The following DGKB variants were observed in gnomAD, a reference collection of about 807,000 sequenced individuals.
DGKB encodes diacylglycerol kinase beta.
DGKB carries 67 observed loss-of-function variants against 114.3 expected under a neutral mutation model. The observed-to-expected ratio is 0.59, with a 90% CI of 0.48 to 0.72. The LOEUF (loss-of-function observed/expected upper bound fraction) is 0.72, where lower values mean the gene tolerates loss of function less well. DGKB is among the 30% of genes least tolerant of loss of function. The pLI, the probability that DGKB is intolerant of heterozygous loss-of-function variation, is 0.00. For missense variants in DGKB, 907 were observed against 975.2 expected, an observed-to-expected ratio of 0.93 and a Z score of 0.93; for synonymous variants, 398 against 323.1, an observed-to-expected ratio of 1.23 and a Z score of -2.49.
Position 14,661,034 on chromosome 7 carries a change from A to G in DGKB, c.1134+11895T>C, listed in dbSNP as rs1402106643. ...AGCTGAAACTGGATCCCTTCCTTAC[A>G]CCTTATACAAAAATCAATTCAAGAT... On this transcript the variant is annotated intron_variant, in intron 13 of 25. Coordinates refer to ENST00000402815, the MANE Select transcript of DGKB (RefSeq NM_001350709.2). Among the ~76,000 whole-genome samples, 14 of 150,144 alleles carry G rather than the reference A, an allele frequency of 9.3e-5. No homozygotes were observed. The South Asian group carries it at 2.7e-3, about 29-fold the overall frequency.
At chr7:14,858,452 T>G (rs1222805649) in intron 1 of DGKB, among the ~76,000 whole-genome samples, 1 of 152,052 alleles carries the variant, frequency 6.6e-6, no homozygotes, top group Non-Finnish European at 1.5e-5. Context: ...CAGAAAAATA[T>G]GAATATATGA....
At chr7:14,267,651 G>A (rs1396659746) in intron 23 of DGKB, among the ~76,000 whole-genome samples, 1 of 151,782 alleles carries the variant, frequency 6.6e-6, no homozygotes, top group East Asian at 1.9e-4. Context: ...ACCATGCCCA[G>A]CTAATTTTTT....
rs535306376 is a variant in DGKB, at chr7:14,210,572, C to T, written c.2123-32421G>A. On this transcript the variant is annotated intron_variant, in intron 23 of 25. Coordinates refer to ENST00000402815, the MANE Select transcript of DGKB (RefSeq NM_001350709.2). Reference sequence around the variant, plus strand: ...GACTTGGCTCAATCCAAAGTCTCAACATGCACCTGATTTTCAGAATGAATC... The same window carrying T: ...GACTTGGCTCAATCCAAAGTCTCAATATGCACCTGATTTTCAGAATGAATC... Among the ~76,000 whole-genome samples, 32 of 152,184 alleles carry T rather than the reference C, an allele frequency of 2.1e-4. No homozygotes were observed. The South Asian group carries it at 6.4e-3, about 31-fold the overall frequency.
chr7:14,694,956 C>T (rs1386783857), intron 8 of DGKB, among the ~76,000 whole-genome samples: 1 of 152,094 alleles, frequency 6.6e-6, no homozygotes, highest in East Asian at 1.9e-4. Flanking sequence ...TACTTCCCAT[C>T]TAATGGCGTC....
At chr7:14,362,493 A>G (rs969432908) in intron 21 of DGKB, among the ~76,000 whole-genome samples, 2 of 152,086 alleles carry the variant, frequency 1.3e-5, no homozygotes, top group African/African-American at 4.8e-5. Context: ...TAGTTGCCAG[A>G]AATTCATCAA....
chr7:14,352,393 TTTC>T (rs1425915407), intron 21 of DGKB, among the ~76,000 whole-genome samples: 1 of 152,244 alleles, frequency 6.6e-6, no homozygotes, highest in Non-Finnish European at 1.5e-5. Flanking sequence ...ATACTAATTA[TTTC>T]TTACCTAAAT....
chr7:14,362,386 G>A (rs1815916102), intron 21 of DGKB, among the ~76,000 whole-genome samples: 1 of 151,908 alleles, frequency 6.6e-6, no homozygotes, highest in Admixed American at 6.6e-5. Context: ...GAACATAAAA[G>A]GGAAGACCAC....
At chr7:14,396,447 T>C (rs913711109) in intron 21 of DGKB, among the ~76,000 whole-genome samples, 2 of 152,090 alleles carry the variant, frequency 1.3e-5, no homozygotes, top group African/African-American at 2.4e-5. Context: ...ACTCCATTAA[T>C]TTTAGATTCA....
intron 9 of DGKB, among the ~76,000 whole-genome samples, chr7:14,692,091 C>A (rs1822972091): frequency 6.6e-6 from 1 of 151,658 alleles, no homozygotes; most frequent in South Asian, 2.1e-4. Context: ...GATTTGTGGA[C>A]TCTATTACCT....
intron 21 of DGKB, among the ~76,000 whole-genome samples, chr7:14,408,846 A>C (rs1824376482): frequency 6.6e-6 from 1 of 151,950 alleles, no homozygotes; most frequent in Non-Finnish European, 1.5e-5. Context: ...ATTTGAAAAA[A>C]CTCACAGATG....
intron 2 of DGKB, among the ~76,000 whole-genome samples, chr7:14,769,111 AAGAAAGAAAGAAAGAGAG>A (rs1836927774): frequency 7.7e-6 from 1 of 129,468 alleles, no homozygotes; most frequent in African/African-American, 3.3e-5. Context: ...GAAAGAAAGA[AAGAAAGAAAGAAAGAGAG>A]AGAGAGAAAG....
intron 21 of DGKB, among the ~76,000 whole-genome samples, chr7:14,471,636 TA>T (rs1781418156): frequency 8.6e-5 from 13 of 151,748 alleles, no homozygotes; most frequent in Admixed American, 8.6e-4. Flanking sequence ...GAAGGTTATG[TA>T]CGTAAAGGCT....
chr7:14,730,010 C>T lies in DGKB; in HGVS notation c.322+6031G>A, dbSNP rs537914470. On this transcript the variant is annotated intron_variant, in intron 5 of 25. Transcript: ENST00000402815. ...TTATAAAACAATTAGGAAGAAACAACAACAAAAACTGTTACGCTGACCTGC... is the reference window on the plus strand; with the variant it reads ...TTATAAAACAATTAGGAAGAAACAATAACAAAAACTGTTACGCTGACCTGC... 2.7e-4 allele frequency among the ~76,000 whole-genome samples: 41 copies of T among 152,186 alleles called. 1 individual carries two copies. Among genetic ancestry groups the T allele is most frequent in the Middle Eastern group, 6.8e-3 (2 of 294 alleles).
rs148787275 is a variant in DGKB at position 14,608,249 on chromosome 7, A to T, written c.1359-741T>A. ...AAAAGTTAATTTACCACAATCAGTT[A>T]GGCATTATTCCTGGGATAAAAAGTT... On this transcript the variant is annotated intron_variant, in intron 16 of 25. Coordinates refer to ENST00000402815, the MANE Select transcript of DGKB (RefSeq NM_001350709.2). 5.0e-4 allele frequency among the ~76,000 whole-genome samples: 76 copies of T among 152,164 alleles called. No homozygotes were observed. The East Asian group carries it at 0.013, about 25-fold the overall frequency.
intron 21 of DGKB, among the ~76,000 whole-genome samples, chr7:14,393,465 G>A (rs553525685): frequency 6.4e-4 from 98 of 152,140 alleles, no homozygotes; most frequent in African/African-American, 2.2e-3. Context: ...TGTTATTAAT[G>A]CATACTATGT....
intron 23 of DGKB, among the ~76,000 whole-genome samples, chr7:14,300,025 C>A (rs1803247403): frequency 6.6e-6 from 1 of 152,058 alleles, no homozygotes; most frequent in Non-Finnish European, 1.5e-5. Context: ...TGTATAGCAA[C>A]TACTTCCAGA....
At chr7:14,257,715 T>C (rs929765458) in intron 23 of DGKB, among the ~76,000 whole-genome samples, 1 of 152,130 alleles carries the variant, frequency 6.6e-6, no homozygotes, top group African/African-American at 2.4e-5. Context: ...ACTATGAGTC[T>C]ATTAAACCTT....
At chr7:14,149,905 G>T (rs564972741) in intron 25 of DGKB, among the ~76,000 whole-genome samples, 1 of 152,236 alleles carries the variant, frequency 6.6e-6, no homozygotes, top group African/African-American at 2.4e-5. Context: ...TACTCGTTTT[G>T]ATTTCTTTGA....
chr7:14,522,547 C>CT (rs775813533), intron 20 of DGKB, among the ~76,000 whole-genome samples: 22 of 152,306 alleles, frequency 1.4e-4, no homozygotes, highest in Middle Eastern at 3.4e-3. Flanking sequence ...CAAACGAGCC[C>CT]TTTCGGCAGT....
Sources: allele counts gnomAD v4.1 joint callset (sites outside exome capture counted in the v4.1 genomes callset), GRCh38; gene constraint gnomAD v4.1.1; transcripts MANE v1.5; gene names NCBI Gene and HGNC (gene_info 2026-07-23, HGNC 2026-07-21).